Variants in SORBS2 observed in about 807,000 individuals in gnomAD.
SORBS2 encodes sorbin and SH3 domain containing 2.
In SORBS2, 46 loss-of-function variants were observed where a neutral mutation model predicts 97.7. That is an observed-to-expected ratio of 0.47 (90% CI 0.37 to 0.60). The LOEUF (loss-of-function observed/expected upper bound fraction) is 0.60. Among genes scored for constraint, SORBS2 ranks in the 20% least tolerant of loss-of-function variants. The pLI, the probability that SORBS2 is intolerant of heterozygous loss-of-function variation, is 0.00. For synonymous variants in SORBS2, 476 were observed against 473.4 expected, an observed-to-expected ratio of 1.01 and a Z score of -0.07; for missense variants, 1,316 against 1,282.3, an observed-to-expected ratio of 1.03 and a Z score of -0.40.
intron 1 of SORBS2, among the ~76,000 whole-genome samples, chr4:185,893,589 G>C (rs1441213866): frequency 1.3e-5 from 2 of 152,192 alleles, no homozygotes; most frequent in Non-Finnish European, 2.9e-5. Context: ...ACAATAGACA[G>C]GTTAACAGCC....
At chr4:185,822,083 T>C (rs1001761909) in intron 1 of SORBS2, among the ~76,000 whole-genome samples, 1 of 152,258 alleles carries the variant, frequency 6.6e-6, no homozygotes, top group Admixed American at 6.5e-5. Flanking sequence ...TTCAAATGTA[T>C]TGAGATTAAA....
At chr4:185,874,866 T>TTTTTTTTTTTTTTTTTTTGC (rs775209042) in intron 1 of SORBS2, among the ~76,000 whole-genome samples, 2 of 113,426 alleles carry the variant, frequency 1.8e-5, no homozygotes, top group African/African-American at 5.7e-5. Context: ...TGATTTTTTT[T>TTTTTTTTTTTTTTTTTTTGC]TTTTTTGCAT....
At chr4:185,624,894 T>C (rs2096784518) in intron 6 of SORBS2, among the ~76,000 whole-genome samples, 1 of 152,244 alleles carries the variant, frequency 6.6e-6, no homozygotes, top group South Asian at 2.1e-4. Context: ...AAAAGTGTTA[T>C]ACCCTTACGC....
intron 1 of SORBS2, among the ~76,000 whole-genome samples, chr4:185,945,057 G>A (rs184014939): frequency 1.5e-4 from 23 of 152,298 alleles, no homozygotes; most frequent in African/African-American, 4.6e-4. Context: ...ACTATGCAAC[G>A]TGCTCATATA....
Position 185,662,099 on chromosome 4 carries a change from C to G in SORBS2, c.94+5G>C, listed in dbSNP as rs776215738. 1 of 1,613,928 alleles carries G rather than the reference C, an allele frequency of 6.2e-7. No individual in the cohort carries two copies. Among genetic ancestry groups the G allele is most frequent in the Non-Finnish European group, 8.5e-7 (1 of 1,179,956 alleles). Reference sequence around the variant, plus strand: ...CATGGAAATCACGGTGAGTAAATTACTTACCGAGGGATGTGCCGTGCTGCA... The same window carrying G: ...CATGGAAATCACGGTGAGTAAATTAGTTACCGAGGGATGTGCCGTGCTGCA... On this transcript the variant is annotated splice_donor_5th_base_variant and intron_variant, in intron 5 of 20. Transcript: ENST00000284776.
At chr4:185,775,258 T>C (rs2098994367) in exon 2 of SORBS2, 1 of 152,658 alleles carries the variant, frequency 6.6e-6, no homozygotes, top group Admixed American at 6.5e-5. Flanking sequence ...AGTTGCTCTA[T>C]ACAGAGGAAG....
At chr4:185,678,399 G>A in intron 4 of SORBS2, 24 bp downstream of exon 7, 1 of 1,530,124 alleles carries the variant, frequency 6.5e-7, no homozygotes, top group Non-Finnish European at 8.8e-7. Context: ...AAATAATGCA[G>A]TAGCCAAGAG....
intron 4 of SORBS2, among the ~76,000 whole-genome samples, chr4:185,641,034 A>G (rs1228818498): frequency 1.3e-5 from 2 of 152,208 alleles, no homozygotes; most frequent in Non-Finnish European, 2.9e-5. Context: ...TACTAAATGA[A>G]TAAGACTTGT....
At chr4:185,610,646 T>C (rs1041031154) in intron 12 of SORBS2, among the ~76,000 whole-genome samples, 1 of 152,144 alleles carries the variant, frequency 6.6e-6, no homozygotes, top group Non-Finnish European at 1.5e-5. Context: ...CTCAGGCTCA[T>C]TTTCAAGAAG....
In SORBS2 at chr4:185,726,179, C is replaced by T. The variant is rs577750943; in HGVS notation, c.-197-47357G>A. Among the ~76,000 whole-genome samples, 4 of 152,260 alleles carry T rather than the reference C, an allele frequency of 2.6e-5. No individual in the cohort carries two copies. In the South Asian group the frequency reaches 8.3e-4, roughly 32 times the overall value. On this transcript the variant is annotated intron_variant, in intron 2 of 20. Transcript: ENST00000284776. ...TGAGATGTTTTATTCGTTGAGATTA[C>T]CTCTAATTACTCTTAAAATTACACA... is the stretch of plus-strand genomic sequence containing the variant.
At chr4:185,741,610 C>T (rs147982017) in intron 2 of SORBS2, among the ~76,000 whole-genome samples, 9 of 152,060 alleles carry the variant, frequency 5.9e-5, no homozygotes, top group East Asian at 1.9e-4. Context: ...CTCAAATGCC[C>T]GCCTTGGCCT....
chr4:185,742,282 A>T (rs1307218133), intron 2 of SORBS2, among the ~76,000 whole-genome samples: 1 of 152,258 alleles, frequency 6.6e-6, no homozygotes. Flanking sequence ...ACAGGCCTAA[A>T]TAAACATATG....
At chr4:185,955,877 G>T (rs2099279295) in intron 1 of SORBS2, among the ~76,000 whole-genome samples, 1 of 151,818 alleles carries the variant, frequency 6.6e-6, no homozygotes, top group Non-Finnish European at 1.5e-5. Flanking sequence ...CTTCCCCCAG[G>T]TCTCCTTAGT....
intron 1 of SORBS2, among the ~76,000 whole-genome samples, chr4:185,886,601 A>AAAAAAG (rs2099239781): frequency 6.6e-6 from 1 of 151,760 alleles, no homozygotes; most frequent in African/African-American, 2.4e-5. Flanking sequence ...AAAAGAAAAC[A>AAAAAAG]ACGTGGCCTG....
chr4:185,763,087 G>C (rs1006517414), intron 2 of SORBS2, among the ~76,000 whole-genome samples: 1 of 152,152 alleles, frequency 6.6e-6, no homozygotes, highest in African/African-American at 2.4e-5. Context: ...TATTCAGGAG[G>C]CTGAGGCAGG....
intron 1 of SORBS2, among the ~76,000 whole-genome samples, chr4:185,928,870 C>T (rs981953461): frequency 3.9e-5 from 6 of 152,132 alleles, no homozygotes; most frequent in Non-Finnish European, 8.8e-5. Context: ...TTCCAGCTTT[C>T]TTCAGGGATC....
chr4:185,621,413 C>T (rs13435843), intron 7 of SORBS2, among the ~76,000 whole-genome samples: 30,212 of 152,020 alleles, frequency 0.2, 3,465 homozygotes, highest in African/African-American at 0.31. Flanking sequence ...CAAAGCCCTT[C>T]CAAGTTACGT....
intron 1 of SORBS2, among the ~76,000 whole-genome samples, chr4:185,895,370 G>A (rs2099244505): frequency 6.6e-6 from 1 of 152,224 alleles, no homozygotes; most frequent in South Asian, 2.1e-4. Flanking sequence ...AAGAAGACCA[G>A]GTAAGTCTTC....
chr4:185,940,977 T>C (rs2099271694), intron 1 of SORBS2, among the ~76,000 whole-genome samples: 1 of 152,084 alleles, frequency 6.6e-6, no homozygotes, highest in East Asian at 1.9e-4. Context: ...ATCTAGTGAG[T>C]AGAGGCTAGG....
Sources: gnomAD v4.1 joint callset for allele counts (sites outside exome capture counted in the v4.1 genomes callset) on GRCh38, gnomAD v4.1.1 for gene constraint, MANE v1.5 for transcripts, NCBI Gene and HGNC (gene_info 2026-07-23, HGNC 2026-07-21) for gene names.